The following IPO5 variants were observed in gnomAD, a reference collection of about 807,000 sequenced individuals.
IPO5 encodes the protein importin-5.
In IPO5, 18 loss-of-function variants were observed where a neutral mutation model predicts 143.3. The ratio of observed to expected loss-of-function variants is 0.13; its 90% CI spans 0.09 to 0.19. IPO5 has a LOEUF of 0.19. Ranked by LOEUF, IPO5 falls within the 10% of genes least tolerant of loss-of-function variation. IPO5 has a pLI of 1.00. For missense variants in IPO5, 1,013 were observed against 1,336.9 expected (o/e 0.76, Z 3.78); for synonymous variants, 477 against 465.7 (o/e 1.02, Z -0.31).
chr13:97,992,844 A>G (rs1200578490), intron 9 of IPO5, 48 bp from the exon 10 acceptor site: 4 of 1,566,292 alleles, frequency 2.6e-6, no homozygotes, highest in Non-Finnish European at 3.5e-6. Flanking sequence ...CTAATGAGGC[A>G]TTATAAAGTG....
Position 98,000,415 on chromosome 13 carries a change from A to C in IPO5, c.1002-124A>C, listed in dbSNP as rs1888666940. 3 of 629,046 alleles carry C rather than the reference A, an allele frequency of 4.8e-6. No homozygotes were observed. In the East Asian group the frequency reaches 8.2e-5, roughly 17 times the overall value. 39.0% of individuals were successfully genotyped at this position (629,046 alleles called of 1,614,324 possible). On this transcript the variant is annotated intron_variant, in intron 12 of 28. Transcript: ENST00000651721. The stretch of plus-strand genomic sequence containing the variant: ...CCCCTAATTTCAATTCCACATTTAA[A>C]GACAGCTTGAATTCTTTCTCAGTCT...
rs1365785569 is a variant in IPO5 at position 97,977,591 on chromosome 13, T to C, written c.90+805T>C. On this transcript the variant is annotated intron_variant, in intron 4 of 28. Coordinates refer to ENST00000651721, the MANE Select transcript of IPO5 (RefSeq NM_002271.6). ...TCTTCAACTTCATTAAATCTAACCG[T>C]AATCTCTTTTTTTCAAACCACCTCT... Among the ~76,000 whole-genome samples the C allele has an allele frequency of 2.6e-5, 4 of 152,192 alleles. No individual in the cohort carries two copies. In the East Asian group the frequency reaches 5.8e-4, roughly 22 times the overall value.
chr13:97,994,233 G>A (rs182107825), intron 11 of IPO5, among the ~76,000 whole-genome samples: 73 of 152,292 alleles, frequency 4.8e-4, no homozygotes, highest in Middle Eastern at 3.4e-3. Context: ...GCTTGAACCC[G>A]GGAGGTGGAG....
intron 11 of IPO5, among the ~76,000 whole-genome samples, chr13:97,996,468 A>G (rs1888297895): frequency 6.6e-6 from 1 of 152,230 alleles, no homozygotes; most frequent in African/African-American, 2.4e-5. Context: ...AATTGTTAAT[A>G]AAAGATGTGG....
intron 12 of IPO5, among the ~76,000 whole-genome samples, chr13:97,998,704 C>T (rs1888506496): frequency 6.6e-6 from 1 of 152,260 alleles, no homozygotes; most frequent in East Asian, 1.9e-4. Context: ...TTAGCAGTCC[C>T]AGAGGTGTAT....
At chr13:97,967,974 G>C (rs1594023488) in intron 2 of IPO5, among the ~76,000 whole-genome samples, 1 of 152,010 alleles carries the variant, frequency 6.6e-6, no homozygotes, top group Admixed American at 6.6e-5. Context: ...TCAATATAGA[G>C]AAGGGGTCTC....
intron 12 of IPO5, among the ~76,000 whole-genome samples, chr13:97,999,557 C>T (rs1239682071): frequency 6.6e-6 from 1 of 152,050 alleles, no homozygotes; most frequent in Non-Finnish European, 1.5e-5. Flanking sequence ...TTTTTTAAGT[C>T]TAAAAACCTG....
chr13:98,012,470 T>G (rs2139834625), intron 21 of IPO5, 128 bp downstream of exon 21: 5 of 646,090 alleles, frequency 7.7e-6, no homozygotes, highest in Non-Finnish European at 1.4e-5. Flanking sequence ...AGTGTACTCT[T>G]AGGTGATAAA....
chr13:98,015,018 T>C (rs139276399), intron 22 of IPO5, among the ~76,000 whole-genome samples: 2 of 152,290 alleles, frequency 1.3e-5, no homozygotes, highest in African/African-American at 4.8e-5. Context: ...TGCACAACTC[T>C]AGTTTGCTCC....
chr13:98,004,841 GAGT>G (rs1408460879), intron 16 of IPO5, among the ~76,000 whole-genome samples: 22 of 152,022 alleles, frequency 1.4e-4, no homozygotes, highest in Non-Finnish European at 1.5e-4. Context: ...TGAAAATCTG[GAGT>G]AGTAACTGGC....
intron 22 of IPO5, 109 bp downstream of exon 22, chr13:98,014,323 G>A (rs776359285): frequency 1.3e-6 from 1 of 773,944 alleles, no homozygotes; most frequent in African/African-American, 1.8e-5. Context: ...TGTCACCCAG[G>A]CTGGAGTGCA....
In IPO5 at chr13:97,996,335, A is replaced by G. The variant is rs1042479675; in HGVS notation, c.914-1196A>G. Among the ~76,000 whole-genome samples, 11 of 152,148 alleles carry G rather than the reference A, an allele frequency of 7.2e-5. 1 individual carries two copies. In the East Asian group the frequency reaches 1.4e-3, roughly 19 times the overall value. On this transcript the variant is annotated intron_variant, in intron 11 of 28. Transcript: ENST00000651721. ...CGAAGTGCTGGGATAACAGGTGTGC[A>G]CCAGCAGGCCCAGTCAGGAAATTCG...
intron 12 of IPO5, 127 bp from the exon 13 acceptor site, chr13:98,000,412 T>TA (rs1245430494): frequency 3.0e-5 from 19 of 623,948 alleles, no homozygotes; most frequent in Non-Finnish European, 5.4e-5. Flanking sequence ...ATTCCACATT[T>TA]AAAGACAGCT....
intron 6 of IPO5, among the ~76,000 whole-genome samples, chr13:97,986,201 A>G (rs1887328473): frequency 6.6e-6 from 1 of 152,184 alleles, no homozygotes; most frequent in Non-Finnish European, 1.5e-5. Flanking sequence ...TAAATCTATA[A>G]TGTTTTAGAA....
At chr13:97,976,920 C>A in intron 4 of IPO5, 134 bp downstream of exon 4, 1 of 170,206 alleles carries the variant, frequency 5.9e-6, no homozygotes, top group South Asian at 1.7e-4. Flanking sequence ...GCCGCGCAGC[C>A]CACGTGTGAG....
At chr13:97,992,111 C>T (rs999719612) in intron 9 of IPO5, among the ~76,000 whole-genome samples, 4 of 152,142 alleles carry the variant, frequency 2.6e-5, no homozygotes, top group African/African-American at 4.8e-5. Context: ...AAGATAGTTT[C>T]GTGACAGAAC....
chr13:97,962,366 T>C (rs746840465), intron 2 of IPO5, among the ~76,000 whole-genome samples: 2 of 152,214 alleles, frequency 1.3e-5, no homozygotes, highest in Non-Finnish European at 2.9e-5. Context: ...GCTCTTACAT[T>C]TAGTCTATGA....
At chr13:98,012,809 T>TTTGTTTTTTTTTTG (rs1889821561) in intron 21 of IPO5, among the ~76,000 whole-genome samples, 1 of 146,580 alleles carries the variant, frequency 6.8e-6, no homozygotes, top group African/African-American at 2.5e-5. Context: ...TGATTTTTTT[T>TTTGTTTTTTTTTTG]TTTTTTTTTT....
At chr13:97,956,199 T>C (rs1157539992) in intron 2 of IPO5, among the ~76,000 whole-genome samples, 2 of 151,944 alleles carry the variant, frequency 1.3e-5, no homozygotes, top group Non-Finnish European at 2.9e-5. Flanking sequence ...TCAAAAGGTT[T>C]CAAAAGGCCA....
Sources: gnomAD v4.1 joint callset for allele counts (sites outside exome capture counted in the v4.1 genomes callset) on GRCh38, gnomAD v4.1.1 for gene constraint, MANE v1.5 for transcripts, NCBI Gene and HGNC (gene_info 2026-07-23, HGNC 2026-07-21) for gene names.